The following MGAT5 variants were observed in gnomAD, a reference collection of about 807,000 sequenced individuals.
MGAT5 encodes the protein alpha-1,6-mannosylglycoprotein 6-beta-N-acetylglucosaminyltransferase A.
Under a neutral mutation model 94.3 loss-of-function variants are expected in MGAT5, and 30 were observed. The observed-to-expected ratio is 0.32, with a 90% CI of 0.24 to 0.43. The LOEUF (loss-of-function observed/expected upper bound fraction) is 0.43, where lower values mean the gene tolerates loss of function less well. MGAT5 is among the 20% of genes least tolerant of loss of function. The pLI, the probability that MGAT5 is intolerant of heterozygous loss-of-function variation, is 1.00. For synonymous variants in MGAT5, 310 were observed against 322.9 expected, an observed-to-expected ratio of 0.96 and a Z score of 0.43; for missense variants, 691 against 905.5, an observed-to-expected ratio of 0.76 and a Z score of 3.04.
rs1191578400 is a variant in MGAT5, at chr2:134,320,008, G to T, written c.573+1269G>T. 3 of 198,068 alleles carry T rather than the reference G, an allele frequency of 1.5e-5. No individual in the cohort carries two copies. In the South Asian group the frequency reaches 2.5e-4, roughly 16 times the overall value. 12.3% of individuals were successfully genotyped at this position (198,068 alleles called of 1,614,324 possible). On this transcript the variant is annotated intron_variant, in intron 4 of 15. Coordinates refer to ENST00000281923, the MANE Select transcript of MGAT5 (RefSeq NM_002410.5). Reference sequence around the variant, plus strand: ...GTTCCCACCAGTAGATGTTCTTCCTGTGTACAAGCAGCCTGCATAGGATCA... The same window carrying T: ...GTTCCCACCAGTAGATGTTCTTCCTTTGTACAAGCAGCCTGCATAGGATCA...
intron 2 of MGAT5, among the ~76,000 whole-genome samples, chr2:134,275,799 A>G (rs1410608164): frequency 6.6e-6 from 1 of 151,910 alleles, no homozygotes; most frequent in Admixed American, 6.6e-5. Flanking sequence ...TATGTTGCCC[A>G]GGCTGGTTGG....
At chr2:134,433,614 C>T (rs1685004888) in intron 14 of MGAT5, among the ~76,000 whole-genome samples, 1 of 152,210 alleles carries the variant, frequency 6.6e-6, no homozygotes, top group South Asian at 2.1e-4. Flanking sequence ...ACACAGTTCA[C>T]TGTGTTTTAA....
At chr2:134,228,661 T>C (rs999670202) in intron 1 of MGAT5, among the ~76,000 whole-genome samples, 1 of 152,102 alleles carries the variant, frequency 6.6e-6, no homozygotes, top group Admixed American at 6.5e-5. Flanking sequence ...TGCTTTCCAG[T>C]GGTTTCTGGG....
intron 1 of MGAT5, among the ~76,000 whole-genome samples, chr2:134,248,144 G>A (rs1340728264): frequency 6.6e-6 from 1 of 152,200 alleles, no homozygotes; most frequent in Admixed American, 6.5e-5. Context: ...AAAAGGTAAG[G>A]TGCAAATGTA....
chr2:134,283,087 A>G (rs530419969), intron 2 of MGAT5, among the ~76,000 whole-genome samples: 1 of 152,222 alleles, frequency 6.6e-6, no homozygotes, highest in South Asian at 2.1e-4. Flanking sequence ...GGAACCACAG[A>G]AAGGTCTGGA....
intron 9 of MGAT5, among the ~76,000 whole-genome samples, chr2:134,358,599 G>A (rs894403810): frequency 6.6e-6 from 1 of 151,938 alleles, no homozygotes; most frequent in Non-Finnish European, 1.5e-5. Flanking sequence ...GGCTGGCGCT[G>A]GGGTTTCTTC....
intron 1 of MGAT5, among the ~76,000 whole-genome samples, chr2:134,127,857 T>G (rs1366944311): frequency 1.3e-5 from 2 of 152,204 alleles, no homozygotes. Context: ...CTTTAGTCTA[T>G]CCTTAAAAAG....
At chr2:134,262,118 A>T (rs762127395) in intron 1 of MGAT5, among the ~76,000 whole-genome samples, 1 of 152,260 alleles carries the variant, frequency 6.6e-6, no homozygotes, top group South Asian at 2.1e-4. Context: ...AAAACAGACA[A>T]TATAATATCA....
At chr2:134,423,460 G>A (rs546972499) in intron 13 of MGAT5, among the ~76,000 whole-genome samples, 2 of 152,238 alleles carry the variant, frequency 1.3e-5, no homozygotes, top group African/African-American at 4.8e-5. Context: ...TGGAGGGCGG[G>A]GTGTTTACTT....
chr2:134,407,286 G>A (rs1026869007), intron 11 of MGAT5, among the ~76,000 whole-genome samples: 5 of 152,112 alleles, frequency 3.3e-5, no homozygotes, highest in African/African-American at 9.7e-5. Context: ...GTTCCCATTT[G>A]CCCTCAGGCA....
chr2:134,324,744 G>A (rs1430903394), intron 4 of MGAT5, among the ~76,000 whole-genome samples: 2 of 152,052 alleles, frequency 1.3e-5, no homozygotes, highest in Non-Finnish European at 2.9e-5. Context: ...AACAACTAAC[G>A]TTTTGGGGTG....
chr2:134,363,277 C>A (rs1478251005), intron 10 of MGAT5, among the ~76,000 whole-genome samples: 1 of 152,172 alleles, frequency 6.6e-6, no homozygotes, highest in Non-Finnish European at 1.5e-5. Flanking sequence ...AATCCTACAG[C>A]TGAGGGAGTA....
intron 1 of MGAT5, among the ~76,000 whole-genome samples, chr2:134,218,128 G>A (rs1680586750): frequency 6.6e-6 from 1 of 151,476 alleles, no homozygotes; most frequent in South Asian, 2.1e-4. Context: ...GGGTGATGAT[G>A]AATCTACACT....
intron 10 of MGAT5, 100 bp from the exon 11 acceptor site, chr2:134,402,888 C>CT: frequency 8.3e-7 from 1 of 1,199,704 alleles, no homozygotes; most frequent in Non-Finnish European, 1.1e-6. Flanking sequence ...TAAGAACTCT[C>CT]TGTCTGTGGC....
intron 1 of MGAT5, among the ~76,000 whole-genome samples, chr2:134,150,092 G>A (rs759629083): frequency 2.0e-5 from 3 of 152,160 alleles, no homozygotes; most frequent in Admixed American, 6.5e-5. Context: ...GAGAATGGGT[G>A]GGGGTGAGGC....
intron 1 of MGAT5, among the ~76,000 whole-genome samples, chr2:134,243,668 T>C (rs1229952760): frequency 6.6e-6 from 1 of 152,260 alleles, no homozygotes; most frequent in Non-Finnish European, 1.5e-5. Flanking sequence ...TGGATAAGCC[T>C]GAGTGGTCAC....
chr2:134,395,937 G>A (rs1682681066), intron 10 of MGAT5, among the ~76,000 whole-genome samples: 3 of 152,190 alleles, frequency 2.0e-5, no homozygotes, highest in South Asian at 4.1e-4. Flanking sequence ...CTCAAGCCAA[G>A]ACTAAATGTG....
intron 1 of MGAT5, among the ~76,000 whole-genome samples, chr2:134,230,835 C>G (rs1558999792): frequency 6.6e-6 from 1 of 152,092 alleles, no homozygotes; most frequent in Admixed American, 6.6e-5. Context: ...AACACACACA[C>G]ACACACACAC....
At position 134,355,707 on chromosome 2, in the gene MGAT5, A is replaced by C. The variant is rs1471512549; in HGVS notation, c.1246+5769A>C. 4.6e-5 allele frequency among the ~76,000 whole-genome samples: 7 copies of C among 152,358 alleles called. No homozygotes were observed. The East Asian group carries it at 1.3e-3, about 29-fold the overall frequency. On this transcript the variant is annotated intron_variant, in intron 9 of 15. Transcript: ENST00000281923. Reference sequence around the variant, plus strand: ...GAAAGCTCTAAAATTGATGACTTGCACTGTAAATTTTCCGGTATTTGGATA... The same window carrying C: ...GAAAGCTCTAAAATTGATGACTTGCCCTGTAAATTTTCCGGTATTTGGATA...
Sources: allele counts gnomAD v4.1 joint callset (sites outside exome capture counted in the v4.1 genomes callset), GRCh38; gene constraint gnomAD v4.1.1; transcripts MANE v1.5; gene names NCBI Gene and HGNC (gene_info 2026-07-23, HGNC 2026-07-21).